Variants in HSD17B7 observed in about 807,000 individuals in gnomAD.
HSD17B7 encodes the protein 3-keto-steroid reductase/17-beta-hydroxysteroid dehydrogenase 7.
A neutral mutation model predicts 34.1 loss-of-function variants in HSD17B7; 17 were observed. The ratio of observed to expected loss-of-function variants is 0.50; its 90% CI spans 0.34 to 0.75. HSD17B7 has a LOEUF of 0.75. Among genes scored for constraint, HSD17B7 ranks in the 30% least tolerant of loss-of-function variants. The probability of loss-of-function intolerance (pLI) is 0.01; values close to 1 mark genes in which losing one functional copy is unlikely to be tolerated. For synonymous variants in HSD17B7, 122 were observed against 154.6 expected (o/e 0.79, Z 1.56); for missense variants, 296 against 406.6 (o/e 0.73, Z 2.34).
At chr1:162,810,670 T>A (rs1649144532) in intron 8 of HSD17B7, among the ~76,000 whole-genome samples, 1 of 152,108 alleles carries the variant, frequency 6.6e-6, no homozygotes, top group Non-Finnish European at 1.5e-5. Flanking sequence ...TAGTTAGTTC[T>A]TCTTGTTGAA....
At chr1:162,799,310 T>C (rs149840130) in intron 4 of HSD17B7, among the ~76,000 whole-genome samples, 8,638 of 152,280 alleles carry the variant, frequency 0.057, 276 homozygotes, top group Middle Eastern at 0.088. Context: ...CCCATTGTTA[T>C]GGTTTTCTCT....
chr1:162,800,708 T>A (rs1648781323), intron 5 of HSD17B7, among the ~76,000 whole-genome samples: 1 of 152,218 alleles, frequency 6.6e-6, no homozygotes, highest in African/African-American at 2.4e-5. Flanking sequence ...TTTGCTTTGA[T>A]TGACAGTGTT....
chr1:162,807,960 T>G (rs1410607830), intron 8 of HSD17B7, among the ~76,000 whole-genome samples: 1 of 152,190 alleles, frequency 6.6e-6, no homozygotes, highest in Admixed American at 6.5e-5. Flanking sequence ...TTGCAGAAGC[T>G]CTTTAGTTTA....
intron 7 of HSD17B7, among the ~76,000 whole-genome samples, chr1:162,804,741 T>C (rs1467437618): frequency 6.6e-6 from 1 of 152,244 alleles, no homozygotes; most frequent in African/African-American, 2.4e-5. Flanking sequence ...ATGAAGATTT[T>C]CTTCCCTCTC....
chr1:162,801,399 G>A (rs1396585261), intron 5 of HSD17B7, among the ~76,000 whole-genome samples: 1 of 152,144 alleles, frequency 6.6e-6, no homozygotes, highest in Non-Finnish European at 1.5e-5. Flanking sequence ...GAAAAATAGG[G>A]ATAGTAATAG....
intron 7 of HSD17B7, among the ~76,000 whole-genome samples, chr1:162,805,033 C>A (rs1571006950): frequency 6.6e-6 from 1 of 152,236 alleles, no homozygotes; most frequent in Admixed American, 6.5e-5. Context: ...AGGATTTTTG[C>A]TATTCACTTT....
chr1:162,806,407 T>C (rs1330332011), intron 8 of HSD17B7, among the ~76,000 whole-genome samples: 1 of 152,180 alleles, frequency 6.6e-6, no homozygotes, highest in Non-Finnish European at 1.5e-5. Flanking sequence ...TCCAGGTTTT[T>C]CAAAATATGT....
At chr1:162,806,363 C>T (rs1373201227) in intron 8 of HSD17B7, among the ~76,000 whole-genome samples, 1 of 152,156 alleles carries the variant, frequency 6.6e-6, no homozygotes, top group East Asian at 1.9e-4. Context: ...ATGCACTTGG[C>T]TTCCTGTGCT....
intron 1 of HSD17B7, among the ~76,000 whole-genome samples, chr1:162,791,195 C>A (rs1248600134): frequency 6.6e-6 from 1 of 152,120 alleles, no homozygotes; most frequent in Admixed American, 6.5e-5. Context: ...ACCACGTGAT[C>A]ATGTCTTATA....
rs1169768583 is a variant in HSD17B7 at position 162,812,504 on chromosome 1, G to T, written c.*84G>T. 8.0e-7 allele frequency: 1 copy of T among 1,254,546 alleles called. No individual in the cohort carries two copies. Among genetic ancestry groups the T allele is most frequent in the East Asian group, 2.6e-5 (1 of 39,044 alleles). 77.7% of individuals were successfully genotyped at this position (1,254,546 alleles called of 1,614,324 possible). A position where few individuals can be genotyped will look rare whatever the true frequency, so the allele number is the denominator to read the frequency against. On this transcript the variant is annotated 3_prime_UTR_variant, in exon 9 of 9. Transcript: ENST00000254521. Reference sequence around the variant, plus strand: ...AGCCTGAGAAACATAGTGAGCCCTTGTCTCTACAAAAAGAAATAAAAATAA... The same window carrying T: ...AGCCTGAGAAACATAGTGAGCCCTTTTCTCTACAAAAAGAAATAAAAATAA...
At chr1:162,807,054 A>T (rs1426595534) in intron 8 of HSD17B7, among the ~76,000 whole-genome samples, 1 of 152,312 alleles carries the variant, frequency 6.6e-6, no homozygotes, top group East Asian at 1.9e-4. Flanking sequence ...TACATGTGCC[A>T]TGTTGGTGTG....
chr1:162,812,324 A>T lies in HSD17B7; in HGVS notation c.930A>T (p.Glu310Asp). 6.2e-7 allele frequency: 1 copy of T among 1,612,830 alleles called. No individual in the cohort carries two copies. The highest frequency in any genetic ancestry group is 8.5e-7 in the Non-Finnish European group (1 of 1,179,508). The change falls in exon 9 of 9, where the codon GAA becomes GAT. Residue 310 changes from glutamate to aspartate, a missense_variant. Transcript: ENST00000254521. ...QKMDLDEDTAEKFYQKLLELE... is the reference protein window; with the variant it reads ...QKMDLDEDTADKFYQKLLELE... Reference sequence around the variant, plus strand: ...TGGACCTAGATGAAGACACTGCTGAAAAATTTTATCAAAAGTTACTGGAAC... The same window carrying T: ...TGGACCTAGATGAAGACACTGCTGATAAATTTTATCAAAAGTTACTGGAAC...
chr1:162,807,757 T>C lies in HSD17B7; in HGVS notation c.903+2265T>C, dbSNP rs553475338. 2.9e-4 allele frequency among the ~76,000 whole-genome samples: 44 copies of C among 152,254 alleles called. No homozygotes were observed. The South Asian group carries it at 9.2e-3, about 32-fold the overall frequency. On this transcript the variant is annotated intron_variant, in intron 8 of 8. Coordinates refer to ENST00000254521, the MANE Select transcript of HSD17B7 (RefSeq NM_016371.4). ...GAGCATTTTTTCATGTGTCTTTTGC[T>C]TGCATAAATGTCTTCTTTTGAGAAG...
intron 5 of HSD17B7, among the ~76,000 whole-genome samples, chr1:162,801,066 A>G (rs924029088): frequency 6.6e-5 from 10 of 152,136 alleles, no homozygotes; most frequent in Admixed American, 6.5e-4. Context: ...TGCAACCTCT[A>G]TCTTCTGAAT....
In HSD17B7 at chr1:162,812,551, G is replaced by T; in HGVS notation, c.*131G>T. The T allele has an allele frequency of 7.5e-6, 6 of 803,652 alleles. 1 individual carries two copies. In the South Asian group the frequency reaches 1.3e-4, roughly 17 times the overall value. 49.8% of individuals were successfully genotyped at this position (803,652 alleles called of 1,614,324 possible). A position where few individuals can be genotyped will look rare whatever the true frequency, so the allele number is the denominator to read the frequency against. On this transcript the variant is annotated 3_prime_UTR_variant, in exon 9 of 9. Coordinates refer to ENST00000254521, the MANE Select transcript of HSD17B7 (RefSeq NM_016371.4). ...ATAATAGCTGGGTGTGGTGGCATGC[G>T]CATGTAGTCCCAGCTACTCAGAAGG... is the stretch of plus-strand genomic sequence containing the variant.
At chr1:162,808,261 A>T (rs1649056309) in intron 8 of HSD17B7, among the ~76,000 whole-genome samples, 1 of 152,048 alleles carries the variant, frequency 6.6e-6, no homozygotes, top group Non-Finnish European at 1.5e-5. Flanking sequence ...CAGGTTTGTC[A>T]AAGATCAGAT....
At chr1:162,810,032 T>G (rs1412035399) in intron 8 of HSD17B7, among the ~76,000 whole-genome samples, 1 of 152,228 alleles carries the variant, frequency 6.6e-6, no homozygotes, top group Non-Finnish European at 1.5e-5. Context: ...GTTCTTTTAA[T>G]TGTGATGTTA....
At chr1:162,806,199 G>T (rs1298424116) in intron 8 of HSD17B7, among the ~76,000 whole-genome samples, 2 of 152,118 alleles carry the variant, frequency 1.3e-5, no homozygotes, top group Non-Finnish European at 2.9e-5. Flanking sequence ...CATGCGTAAG[G>T]TTTGTTTCAG....
chr1:162,808,814 A>AT (rs1350152168), intron 8 of HSD17B7, among the ~76,000 whole-genome samples: 1 of 152,150 alleles, frequency 6.6e-6, no homozygotes, highest in African/African-American at 2.4e-5. Context: ...TTGCACATTG[A>AT]TTTTGTATCC....
Sources: gnomAD v4.1 joint callset for allele counts (sites outside exome capture counted in the v4.1 genomes callset) on GRCh38, gnomAD v4.1.1 for gene constraint, MANE v1.5 for transcripts, NCBI Gene and HGNC (gene_info 2026-07-23, HGNC 2026-07-21) for gene names.